ASPH: variants seen among roughly 807,000 people sequenced by gnomAD.
The protein encoded by ASPH is aspartate beta-hydroxylase.
In ASPH, 100 loss-of-function variants were observed where a neutral mutation model predicts 118.4. That is an observed-to-expected ratio of 0.84 (90% confidence interval 0.72 to 1.00). ASPH has a LOEUF of 1.00. Among genes scored for constraint, ASPH ranks in the 50% least tolerant of loss-of-function variants. The pLI is 0.00. For synonymous variants in ASPH, 315 were observed against 325.6 expected, an observed-to-expected ratio of 0.97 and a Z score of 0.35; for missense variants, 920 against 919.5, an observed-to-expected ratio of 1.00 and a Z score of -0.01.
intron 22 of ASPH, among the ~76,000 whole-genome samples, chr8:61,520,628 A>G (rs10504327): frequency 0.089 from 13,499 of 152,268 alleles, 680 homozygotes; most frequent in Non-Finnish European, 0.12. Context: ...GGTGAATATT[A>G]CATAAACCTA....
At chr8:61,639,617 C>T (rs1257733726) in intron 10 of ASPH, among the ~76,000 whole-genome samples, 1 of 152,188 alleles carries the variant, frequency 6.6e-6, no homozygotes, top group African/African-American at 2.4e-5. Flanking sequence ...TCATGTCTCC[C>T]TCAATCTGCT....
intron 14 of ASPH, among the ~76,000 whole-genome samples, chr8:61,586,849 T>C (rs1445524791): frequency 2.0e-5 from 3 of 152,128 alleles, no homozygotes; most frequent in Non-Finnish European, 4.4e-5. Context: ...TGAAGTTCAG[T>C]TTCACTCCTT....
intron 24 of ASPH, among the ~76,000 whole-genome samples, chr8:61,504,068 T>C (rs910065069): frequency 7.9e-5 from 12 of 152,208 alleles, no homozygotes; most frequent in African/African-American, 2.7e-4. Flanking sequence ...TATCATCTTC[T>C]ATGCAAGTGG....
chr8:61,541,264 T>C (rs1265742098), intron 21 of ASPH, among the ~76,000 whole-genome samples: 2 of 152,132 alleles, frequency 1.3e-5, no homozygotes, highest in Non-Finnish European at 2.9e-5. Flanking sequence ...CTTGGGAGGC[T>C]AAGGCAGGAG....
chr8:61,573,104 C>A (rs142979693), intron 16 of ASPH, among the ~76,000 whole-genome samples: 1 of 152,080 alleles, frequency 6.6e-6, no homozygotes, highest in Non-Finnish European at 1.5e-5. Flanking sequence ...AGTGAACTCC[C>A]GTTCACGATT....
intron 3 of ASPH, among the ~76,000 whole-genome samples, chr8:61,655,757 A>G (rs11992990): frequency 0.48 from 72,401 of 151,926 alleles, 17,555 homozygotes; most frequent in Middle Eastern, 0.53. Context: ...AGCACAGAGC[A>G]AAAAATATTG....
chr8:61,639,728 A>C (rs1411889363), intron 10 of ASPH, among the ~76,000 whole-genome samples: 11 of 152,308 alleles, frequency 7.2e-5, no homozygotes, highest in East Asian at 3.9e-4. Context: ...TGAGAGTCAA[A>C]CACCACCAAA....
chr8:61,675,773 A>C, intron 3 of ASPH: 1 of 1,154,574 alleles, frequency 8.7e-7, no homozygotes, highest in East Asian at 4.5e-5. Context: ...TAGTTCAGTG[A>C]ATACATGAGT....
intron 23 of ASPH, 56 bp downstream of exon 23, chr8:61,517,976 C>A: frequency 6.6e-7 from 1 of 1,508,688 alleles, no homozygotes; most frequent in Non-Finnish European, 9.1e-7. Context: ...TAAAGGTCAA[C>A]ACGCCCTTAT....
chr8:61,687,947 A>T (rs1294496000), intron 1 of ASPH, among the ~76,000 whole-genome samples: 1 of 152,126 alleles, frequency 6.6e-6, no homozygotes, highest in Admixed American at 6.6e-5. Context: ...TATGGAAGGG[A>T]TTCTTTTTTA....
chr8:61,710,945 G>T (rs28587878), intron 1 of ASPH, among the ~76,000 whole-genome samples: 7,223 of 152,128 alleles, frequency 0.047, 250 homozygotes, highest in African/African-American at 0.095. Flanking sequence ...AGGCAGTACA[G>T]GAATATATTT....
intron 14 of ASPH, among the ~76,000 whole-genome samples, chr8:61,611,661 G>A (rs1847410321): frequency 6.6e-6 from 1 of 152,220 alleles, no homozygotes; most frequent in Admixed American, 6.5e-5. Context: ...AATTTAGATA[G>A]TGAATCCCAG....
chr8:61,503,288 C>T lies in ASPH; in HGVS notation c.*71G>A. 6.6e-7 allele frequency: 1 copy of T among 1,507,034 alleles called. No homozygotes were observed. The highest frequency in any genetic ancestry group is 2.4e-5 in the East Asian group (1 of 42,206). The allele number at this position is 1,507,034 out of a possible 1,614,324, so 93.4% of individuals were successfully genotyped here. On this transcript the variant is annotated 3_prime_UTR_variant, in exon 25 of 25. Coordinates refer to ENST00000379454, the MANE Select transcript of ASPH (RefSeq NM_004318.4). ...GACTCTTGGTGTTCGAAATTCTATC[C>T]TCACACCCAAGGAGATGGAACCAGA...
intron 16 of ASPH, 139 bp from the exon 17 acceptor site, chr8:61,567,457 G>A (rs1587298867): frequency 1.1e-5 from 10 of 890,352 alleles, no homozygotes; most frequent in South Asian, 4.8e-5. Context: ...CTTATCAAGA[G>A]ATAAAAAAAA....
At chr8:61,668,234 C>T in intron 3 of ASPH, 1 of 1,606,912 alleles carries the variant, frequency 6.2e-7, no homozygotes, top group Non-Finnish European at 8.5e-7. Context: ...ATGAAAATAC[C>T]TTTAGCCTTA....
chr8:61,592,091 A>T lies in ASPH; in HGVS notation c.977-8062T>A, dbSNP rs1464369553. ...GCCTGAAGGCCAGTCTGTGAGCTTC[A>T]GTTCCGCTACTTCTGAGGCAGCTTG... On this transcript the variant is annotated intron_variant, in intron 14 of 24. Coordinates refer to ENST00000379454, the MANE Select transcript of ASPH (RefSeq NM_004318.4). Among the ~76,000 whole-genome samples the T allele has an allele frequency of 3.3e-5, 5 of 152,186 alleles. 1 individual carries two copies. Among genetic ancestry groups the T allele is most frequent in the Non-Finnish European group, 7.3e-5 (5 of 68,030 alleles).
intron 15 of ASPH, chr8:61,579,529 A>T (rs1836697149): frequency 1.9e-6 from 3 of 1,549,334 alleles, no homozygotes; most frequent in Non-Finnish European, 1.8e-6. Flanking sequence ...GGCCTCAGCT[A>T]CGGCCTGGGC....
At chr8:61,618,641 A>G (rs1235702542) in intron 14 of ASPH, among the ~76,000 whole-genome samples, 2 of 152,218 alleles carry the variant, frequency 1.3e-5, no homozygotes, top group African/African-American at 4.8e-5. Context: ...TTTTATTACT[A>G]TCATGGAAAC....
In ASPH at chr8:61,664,793, T is replaced by C. The variant is rs562298124; in HGVS notation, c.323-11133A>G. The C allele has an allele frequency of 2.5e-5, 25 of 986,646 alleles. No individual in the cohort carries two copies. The African/African-American group carries it at 4.4e-4, about 17-fold the overall frequency. 61.1% of individuals were successfully genotyped at this position (986,646 alleles called of 1,614,324 possible). On this transcript the variant is annotated intron_variant, in intron 3 of 24. Transcript: ENST00000379454. ...GGTGGCACATGAGCCTGGGGAGGTG[T>C]CCACGAAAGAGAAAAACAGGGAAGC...
Sources: gnomAD v4.1 joint callset for allele counts (sites outside exome capture counted in the v4.1 genomes callset) on GRCh38, gnomAD v4.1.1 for gene constraint, MANE v1.5 for transcripts, NCBI Gene and HGNC (gene_info 2026-07-23, HGNC 2026-07-21) for gene names.